The following PFKFB3 variants were observed in gnomAD, a reference collection of about 807,000 sequenced individuals.
PFKFB3 encodes 6-phosphofructo-2-kinase/fructose-2,6-bisphosphatase 3.
In PFKFB3, 33 loss-of-function variants were observed where a neutral mutation model predicts 68.0. The ratio of observed to expected loss-of-function variants is 0.49; its 90% CI spans 0.37 to 0.65. PFKFB3 has a LOEUF of 0.65. Ranked by LOEUF, PFKFB3 falls within the 30% of genes least tolerant of loss-of-function variation. The pLI is 0.00. For missense variants in PFKFB3, 586 were observed against 712.2 expected (o/e 0.82, Z 2.02); for synonymous variants, 315 against 288.2 (o/e 1.09, Z -0.94).
chr10:6,183,087 T>A (rs957331546), intron 1 of PFKFB3, among the ~76,000 whole-genome samples: 1 of 152,126 alleles, frequency 6.6e-6, no homozygotes, highest in African/African-American at 2.4e-5. Flanking sequence ...ACACCTCTGT[T>A]CTCCCTGGAG....
the PFKFB3 span, among the ~76,000 whole-genome samples, chr10:6,281,980 A>G: frequency 1.4e-5 from 2 of 146,082 alleles, no homozygotes; most frequent in South Asian, 2.1e-4. Context: ...TTTTTAAGAG[A>G]TGAGGTCTCA....
intron 1 of PFKFB3, among the ~76,000 whole-genome samples, chr10:6,211,984 C>A (rs112702098): frequency 6.6e-6 from 1 of 152,240 alleles, no homozygotes; most frequent in African/African-American, 2.4e-5. Flanking sequence ...GGGCTTCTTT[C>A]CTGAGCTGCG....
chr10:6,297,831 A>G, the PFKFB3 span, among the ~76,000 whole-genome samples: 1 of 151,718 alleles, frequency 6.6e-6, no homozygotes, highest in South Asian at 2.1e-4. Context: ...GGGTATTTCT[A>G]CCTCTGCTCC....
At chr10:6,292,883 A>T in the PFKFB3 span, among the ~76,000 whole-genome samples, 3 of 152,120 alleles carry the variant, frequency 2.0e-5, no homozygotes, top group African/African-American at 7.2e-5. Context: ...TGAAAGTTTC[A>T]CCTCTATAAA....
chr10:6,326,127 C>T, the PFKFB3 span, among the ~76,000 whole-genome samples: 1 of 152,178 alleles, frequency 6.6e-6, no homozygotes, highest in Non-Finnish European at 1.5e-5. Flanking sequence ...ACATGGTCTA[C>T]CTTTGCAAGG....
the PFKFB3 span, among the ~76,000 whole-genome samples, chr10:6,299,980 T>TTA: frequency 6.8e-6 from 1 of 147,630 alleles, no homozygotes; most frequent in East Asian, 2.0e-4. Flanking sequence ...TTTTTTTTTT[T>TTA]TTTTTTTTTT....
intron 1 of PFKFB3, among the ~76,000 whole-genome samples, chr10:6,213,422 A>G (rs1844357896): frequency 6.6e-6 from 1 of 152,172 alleles, no homozygotes; most frequent in Admixed American, 6.5e-5. Context: ...GGGGAGGCTA[A>G]GGCCGGAGGA....
intron 1 of PFKFB3, among the ~76,000 whole-genome samples, chr10:6,186,737 A>G (rs1470656811): frequency 1.3e-5 from 2 of 152,204 alleles, no homozygotes; most frequent in African/African-American, 4.8e-5. Flanking sequence ...GTCTCAAGCC[A>G]TCCTCCCACC....
chr10:6,268,327 C>A, the PFKFB3 span, among the ~76,000 whole-genome samples: 1 of 152,090 alleles, frequency 6.6e-6, no homozygotes, highest in African/African-American at 2.4e-5. Flanking sequence ...TGCTAGGAAC[C>A]TTTTTGGGGG....
rs201132694 is a variant in PFKFB3 at position 6,232,887 on chromosome 10, G to A, written c.1516-8G>A. 4.5e-5 allele frequency: 73 copies of A among 1,611,934 alleles called. No individual in the cohort carries two copies. In the East Asian group the frequency reaches 1.4e-3, roughly 31 times the overall value. On this transcript the variant is annotated splice_region_variant and splice_polypyrimidine_tract_variant and intron_variant, in intron 14 of 14. Transcript: ENST00000379775. ...TCCCTCCCCACCTCTCTTTTCTCCT[G>A]AAAACAGAACATGAAAGGCTCCCGG...
At chr10:6,262,607 G>T in the PFKFB3 span, among the ~76,000 whole-genome samples, 1 of 151,930 alleles carries the variant, frequency 6.6e-6, no homozygotes, top group African/African-American at 2.4e-5. Flanking sequence ...GTGTGTTATT[G>T]TATCAGTCAT....
chr10:6,306,226 G>A, the PFKFB3 span, among the ~76,000 whole-genome samples: 7 of 152,302 alleles, frequency 4.6e-5, no homozygotes, highest in African/African-American at 1.7e-4. Flanking sequence ...CTGAGGATTT[G>A]CCCTTTGGGC....
At position 6,229,632 on chromosome 10, in the gene PFKFB3, G is replaced by A. The variant is rs1845602042; in HGVS notation, c.1516-3263G>A. Among the ~76,000 whole-genome samples, 1 of 152,202 alleles carries A rather than the reference G, an allele frequency of 6.6e-6. No individual in the cohort carries two copies. Among genetic ancestry groups the A allele is most frequent in the South Asian group, 2.1e-4 (1 of 4,820 alleles). On this transcript the variant is annotated intron_variant, in intron 14 of 14. Coordinates refer to ENST00000379775, the MANE Select transcript of PFKFB3 (RefSeq NM_004566.4). The surrounding 1 kb of genome is among the most constrained non-coding windows in gnomAD (Gnocchi z 4.3). ...CATCCTCAGGGCCAGTGTCTGTGAT[G>A]CGCGGGGCCAGCGTGCAGTGCTTCA...
Position 6,229,854 on chromosome 10 carries a change from T to C in PFKFB3, c.1516-3041T>C, listed in dbSNP as rs1046478365. 1.3e-5 allele frequency among the ~76,000 whole-genome samples: 2 copies of C among 152,194 alleles called. No homozygotes were observed. The highest frequency in any genetic ancestry group is 2.9e-5 in the Non-Finnish European group (2 of 68,030). On this transcript the variant is annotated intron_variant, in intron 14 of 14. Coordinates refer to ENST00000379775, the MANE Select transcript of PFKFB3 (RefSeq NM_004566.4). The surrounding 1 kb of genome is among the most constrained non-coding windows in gnomAD (Gnocchi z 4.3). ...TAAAACTGTTCTGCCTCAGATCGTC[T>C]GGCATTAGATTCTCTGAAGGGAACG...
the PFKFB3 span, among the ~76,000 whole-genome samples, chr10:6,267,870 G>A: frequency 1.0e-4 from 15 of 144,968 alleles, no homozygotes; most frequent in Non-Finnish European, 1.8e-4. Context: ...CAGGAGAATC[G>A]CTTGAACCCG....
intron 1 of PFKFB3, among the ~76,000 whole-genome samples, chr10:6,204,081 GT>G (rs965278920): frequency 2.0e-5 from 3 of 152,202 alleles, no homozygotes; most frequent in African/African-American, 4.8e-5. Context: ...GCACCCCCCG[GT>G]GCTCGGAATT....
At chr10:6,214,284 C>T (rs72777872) in intron 2 of PFKFB3, among the ~76,000 whole-genome samples, 5,502 of 152,248 alleles carry the variant, frequency 0.036, 194 homozygotes, top group East Asian at 0.16. Flanking sequence ...TGTGATGGAT[C>T]TAGGTTGTGT....
the PFKFB3 span, among the ~76,000 whole-genome samples, chr10:6,279,947 TCA>T: frequency 6.6e-6 from 1 of 151,848 alleles, no homozygotes; most frequent in African/African-American, 2.4e-5. Flanking sequence ...CTTGGAAGAC[TCA>T]GAGCTTTGCA....
Position 6,216,169 on chromosome 10 carries a change from C to T in PFKFB3, c.344C>T (p.Ala115Val), listed in dbSNP as rs765399775. 22 of 1,613,976 alleles carry T rather than the reference C, an allele frequency of 1.4e-5. No individual in the cohort carries two copies. Among genetic ancestry groups the T allele is most frequent in the South Asian group, 4.4e-5 (4 of 91,088 alleles). ...AALRDVKSYL[A>V]KEGGQIAVFD... is the part of the protein sequence containing the mutation. Reference sequence around the variant, plus strand: ...TTGAGAGATGTCAAAAGCTACCTGGCGAAAGAAGGGGGACAAATTGCGGTA... The same window carrying T: ...TTGAGAGATGTCAAAAGCTACCTGGTGAAAGAAGGGGGACAAATTGCGGTA... Residue 115 changes from alanine (A) to valine (V), a missense_variant, in exon 4 of 15, where the codon GCG becomes GTG. Physicochemically the swap from Ala to Val is moderately conservative, Grantham distance 64. Coordinates refer to ENST00000379775, the MANE Select transcript of PFKFB3 (RefSeq NM_004566.4).
Sources: allele counts gnomAD v4.1 joint callset (sites outside exome capture counted in the v4.1 genomes callset), GRCh38; gene constraint gnomAD v4.1.1; non-coding constraint Gnocchi (gnomAD v3.1); transcripts MANE v1.5; gene names NCBI Gene and HGNC (gene_info 2026-07-23, HGNC 2026-07-21).